Variants in TCF3 observed in about 807,000 individuals in gnomAD.
The protein encoded by TCF3 is transcription factor E2-alpha.
TCF3 carries 54 observed loss-of-function variants against 72.3 expected under a neutral mutation model. That is an observed-to-expected ratio of 0.75 (90% CI 0.60 to 0.94). TCF3 has a LOEUF of 0.94. Ranked by LOEUF, TCF3 falls within the 40% of genes least tolerant of loss-of-function variation. The pLI is 0.00. For synonymous variants in TCF3, 525 were observed against 412.6 expected (o/e 1.27, Z -3.30); for missense variants, 1,078 against 934.4 (o/e 1.15, Z -2.00).
At chr19:1,640,038 G>A (rs1380789258) in intron 3 of TCF3, among the ~76,000 whole-genome samples, 1 of 152,308 alleles carries the variant, frequency 6.6e-6, no homozygotes, top group Admixed American at 6.5e-5. Context: ...AAAATGCACA[G>A]GGCAGCCGAG....
At chr19:1,616,011 G>A (rs1467019216) in intron 16 of TCF3, among the ~76,000 whole-genome samples, 190 bp from the exon 17 acceptor site, 2 of 152,164 alleles carry the variant, frequency 1.3e-5, no homozygotes, top group Non-Finnish European at 2.9e-5. Context: ...ATGCCAGACA[G>A]ATTAAGGACC....
At chr19:1,643,686 C>T (rs1426748602) in intron 3 of TCF3, among the ~76,000 whole-genome samples, 1 of 152,226 alleles carries the variant, frequency 6.6e-6, no homozygotes, top group Non-Finnish European at 1.5e-5. Context: ...CAGTACCTAA[C>T]TCCTCTCTCG....
rs2074888 is a variant in TCF3 at position 1,615,797 on chromosome 19, G to A, written c.1475C>T (p.Ala492Val). 0.024 allele frequency: 37,910 copies of A among 1,574,730 alleles called. 4,192 individuals carry two copies. The East Asian group carries it at 0.4, about 16-fold the overall frequency. ...CTCCCGCTTGATCTCGCTGGCGGCC[G>A]CCGTGGCACCTGCTCGCCCTAGCCC... is the stretch of plus-strand genomic sequence containing the variant. Reference protein sequence around the residue: ...YSGLGRAGATAAASEIKREEK... With the variant: ...YSGLGRAGATVAASEIKREEK... The change falls in exon 17 of 19, where the codon GCG becomes GTG. Residue 492 changes from alanine (A) to valine (V), a missense_variant. By Grantham distance (64) the Ala-to-Val change is moderately conservative. Coordinates refer to ENST00000262965, the MANE Select transcript of TCF3 (RefSeq NM_003200.5). The surrounding 1 kb of genome is among the most constrained non-coding windows in gnomAD (Gnocchi z 7.3).
intron 3 of TCF3, among the ~76,000 whole-genome samples, chr19:1,646,120 G>A (rs1010048144): frequency 1.6e-4 from 25 of 152,242 alleles, no homozygotes; most frequent in African/African-American, 3.1e-4. Context: ...GGCTCCAGGC[G>A]CGGGAGGGAC....
chr19:1,651,035 G>C (rs1283235535), intron 1 of TCF3: 1 of 231,420 alleles, frequency 4.3e-6, no homozygotes, highest in East Asian at 6.1e-5. Context: ...GCAAAACTTT[G>C]ACAACATCCC....
intron 1 of TCF3, chr19:1,650,739 A>AT (rs1204085485): frequency 4.3e-6 from 1 of 231,396 alleles, no homozygotes; most frequent in Non-Finnish European, 8.5e-6. Flanking sequence ...AAATTTGGTG[A>AT]TTCCCCCCTC....
In TCF3 at chr19:1,626,956, T is replaced by C. The variant is rs555075477; in HGVS notation, c.366+403A>G. Among the ~76,000 whole-genome samples the C allele has an allele frequency of 3.3e-5, 5 of 152,118 alleles. No individual in the cohort carries two copies. The South Asian group carries it at 1.0e-3, about 32-fold the overall frequency. ...GGCTGCATGGGACCCCTGTGGCTGG[T>C]CACAGCCCCCAACATCCTCCCCCAG... On this transcript the variant is annotated intron_variant, in intron 6 of 18. Coordinates refer to ENST00000262965, the MANE Select transcript of TCF3 (RefSeq NM_003200.5).
Position 1,615,786 on chromosome 19 carries a change from C to T in TCF3, c.1486G>A (p.Glu496Lys), listed in dbSNP as rs201250905. The T allele has an allele frequency of 4.2e-5, 66 of 1,580,548 alleles. No homozygotes were observed. The highest frequency in any genetic ancestry group is 1.1e-4 in the African/African-American group (8 of 74,502). Residue 496 changes from glutamate to lysine, a missense_variant, in exon 17 of 19, where the codon GAG becomes AAG. Physicochemically the swap from Glu to Lys is moderately conservative, Grantham distance 56. Transcript: ENST00000262965. This position sits in a 1 kb window ranked among gnomAD's most constrained non-coding sequence, Gnocchi z 7.3. ...GRAGATAAASEIKREEKEDEE... is the reference protein window; with the variant it reads ...GRAGATAAASKIKREEKEDEE... ...TCCTCCTTCTCCTCCCGCTTGATCT[C>T]GCTGGCGGCCGCCGTGGCACCTGCT...
intron 3 of TCF3, among the ~76,000 whole-genome samples, chr19:1,633,069 C>T (rs553019595): frequency 6.5e-5 from 9 of 137,716 alleles, no homozygotes; most frequent in African/African-American, 2.4e-4. Context: ...CAGCAAGGGA[C>T]GGGACGAGGA....
intron 3 of TCF3, among the ~76,000 whole-genome samples, chr19:1,642,464 G>A (rs1041321048): frequency 1.3e-5 from 2 of 152,174 alleles, no homozygotes; most frequent in African/African-American, 4.8e-5. Context: ...AGAACACTCT[G>A]CCACTTCCTG....
intron 2 of TCF3, among the ~76,000 whole-genome samples, chr19:1,648,627 C>T (rs907460798): frequency 6.6e-6 from 1 of 152,262 alleles, no homozygotes; most frequent in African/African-American, 2.4e-5. Flanking sequence ...ACCAGCATGG[C>T]CCTTCCGGAG....
At chr19:1,643,228 G>A (rs1349295409) in intron 3 of TCF3, among the ~76,000 whole-genome samples, 1 of 151,972 alleles carries the variant, frequency 6.6e-6, no homozygotes, top group Non-Finnish European at 1.5e-5. Context: ...TTTTTGTTTC[G>A]TTTCTGTTTT....
intron 5 of TCF3, among the ~76,000 whole-genome samples, chr19:1,630,346 C>G (rs780179945): frequency 3.9e-5 from 6 of 152,208 alleles, no homozygotes; most frequent in Non-Finnish European, 7.4e-5. Flanking sequence ...CCCGCCAGAC[C>G]TTCACGCTAT....
rs560123066 is a variant in TCF3, at chr19:1,615,037, G to A, written c.1822+248C>T. Among the ~76,000 whole-genome samples, 1 of 152,152 alleles carries A rather than the reference G, an allele frequency of 6.6e-6. No homozygotes were observed. Among genetic ancestry groups the A allele is most frequent in the Non-Finnish European group, 1.5e-5 (1 of 68,020 alleles). On this transcript the variant is annotated intron_variant, in intron 18 of 18. Transcript: ENST00000262965. The surrounding 1 kb of genome is among the most constrained non-coding windows in gnomAD (Gnocchi z 7.3). ...CAGAGCCCAGGCCTGAAGGACTAGG[G>A]GTCCAGAAAGAGTCCAGTCCTCCCA...
At chr19:1,650,312 T>C (rs1307520876) in intron 1 of TCF3, 25 bp from the exon 2 acceptor site, 4 of 1,481,474 alleles carry the variant, frequency 2.7e-6, no homozygotes, top group African/African-American at 2.8e-5. Context: ...TGGGGACAGA[T>C]GGACAGGGAG....
intron 3 of TCF3, among the ~76,000 whole-genome samples, chr19:1,635,345 A>G (rs929279635): frequency 3.9e-5 from 6 of 152,172 alleles, no homozygotes; most frequent in Admixed American, 3.3e-4. Flanking sequence ...GTCTGCTGAC[A>G]TCCTCAGGCA....
At chr19:1,648,265 C>G (rs2066434837) in intron 2 of TCF3, among the ~76,000 whole-genome samples, 1 of 152,226 alleles carries the variant, frequency 6.6e-6, no homozygotes, top group Non-Finnish European at 1.5e-5. Flanking sequence ...CATGCAGGAA[C>G]AGAGTGGGGA....
At chr19:1,632,500 C>A in intron 3 of TCF3, 95 bp from the exon 4 acceptor site, 1 of 1,351,268 alleles carries the variant, frequency 7.4e-7, no homozygotes, top group Non-Finnish European at 1.0e-6. Context: ...CTCAGTGGAC[C>A]CGGGGGGCTT....
chr19:1,633,483 T>C (rs902360070), intron 3 of TCF3, among the ~76,000 whole-genome samples: 17 of 148,836 alleles, frequency 1.1e-4, no homozygotes, highest in Non-Finnish European at 2.4e-4. Context: ...TCCCTGCTCA[T>C]CCACACCAGA....
Sources: allele counts gnomAD v4.1 joint callset (sites outside exome capture counted in the v4.1 genomes callset), GRCh38; gene constraint gnomAD v4.1.1; non-coding constraint Gnocchi (gnomAD v3.1); transcripts MANE v1.5; gene names NCBI Gene and HGNC (gene_info 2026-07-23, HGNC 2026-07-21).